The following ST7 variants were observed in gnomAD, a reference collection of about 807,000 sequenced individuals.
ST7 encodes the protein suppressor of tumorigenicity 7 protein.
Under a neutral mutation model 78.7 loss-of-function variants are expected in ST7, and 28 were observed. The observed-to-expected ratio is 0.36, with a 90% CI of 0.26 to 0.49. ST7 has a LOEUF of 0.49. Ranked by LOEUF, ST7 falls within the 20% of genes least tolerant of loss-of-function variation. The probability of loss-of-function intolerance (pLI) is 0.99; values close to 1 mark genes in which losing one functional copy is unlikely to be tolerated. For missense variants in ST7, 418 were observed against 696.0 expected (o/e 0.60, Z 4.49); for synonymous variants, 247 against 249.6 (o/e 0.99, Z 0.10).
chr7:117,135,899 T>C (rs558722425), intron 7 of ST7, among the ~76,000 whole-genome samples, 182 bp from the exon 8 acceptor site: 51 of 152,268 alleles, frequency 3.3e-4, no homozygotes, highest in African/African-American at 1.2e-3. Context: ...CCTCTCAAGC[T>C]AAAATACAGA....
chr7:117,103,858 A>G (rs1034818194), intron 2 of ST7, among the ~76,000 whole-genome samples: 24 of 152,364 alleles, frequency 1.6e-4, no homozygotes, highest in Admixed American at 5.2e-4. Flanking sequence ...AGAGATTAAT[A>G]ACCAGAATAT....
At chr7:116,982,196 G>T (rs1421613221) in intron 1 of ST7, among the ~76,000 whole-genome samples, 7 of 152,038 alleles carry the variant, frequency 4.6e-5, no homozygotes, top group Non-Finnish European at 1.0e-4. Flanking sequence ...TGCTGCTGCT[G>T]CTTCTTCTTT....
intron 1 of ST7, among the ~76,000 whole-genome samples, chr7:117,082,240 C>T (rs991115072): frequency 6.6e-6 from 1 of 152,138 alleles, no homozygotes; most frequent in Non-Finnish European, 1.5e-5. Flanking sequence ...AGTTGACACA[C>T]AAAATCTCAC....
At chr7:117,063,406 T>G (rs1023096116) in intron 1 of ST7, among the ~76,000 whole-genome samples, 1 of 152,230 alleles carries the variant, frequency 6.6e-6, no homozygotes, top group East Asian at 1.9e-4. Flanking sequence ...TTTGCATTTA[T>G]GTTTGTATAA....
chr7:117,093,264 T>G (rs1293976887), intron 1 of ST7, among the ~76,000 whole-genome samples: 1 of 152,234 alleles, frequency 6.6e-6, no homozygotes, highest in African/African-American at 2.4e-5. Context: ...GTGGATGTTT[T>G]ACATCCTGGG....
chr7:117,063,771 G>T (rs974406328), intron 1 of ST7, among the ~76,000 whole-genome samples: 2 of 152,130 alleles, frequency 1.3e-5, no homozygotes, highest in Non-Finnish European at 1.5e-5. Flanking sequence ...TCTTCCTATA[G>T]AAGCATAGTT....
intron 1 of ST7, among the ~76,000 whole-genome samples, chr7:117,043,981 T>G (rs1004276191): frequency 2.0e-5 from 3 of 152,214 alleles, no homozygotes; most frequent in African/African-American, 7.2e-5. Context: ...GAGGACATAC[T>G]CTTATCAGGG....
At chr7:117,152,689 C>A (rs1445678353) in intron 9 of ST7, among the ~76,000 whole-genome samples, 2 of 152,068 alleles carry the variant, frequency 1.3e-5, no homozygotes, top group Non-Finnish European at 2.9e-5. Context: ...TGCCTGAGTC[C>A]TTTTACTGCT....
intron 12 of ST7, chr7:117,198,421 T>C (rs937792699): frequency 2.5e-6 from 1 of 401,692 alleles, no homozygotes; most frequent in Non-Finnish European, 5.0e-6. Flanking sequence ...CAGTGGCACC[T>C]CAATGCCTTG....
At chr7:117,174,585 T>G (rs897035070) in intron 10 of ST7, among the ~76,000 whole-genome samples, 3 of 152,050 alleles carry the variant, frequency 2.0e-5, no homozygotes, top group Non-Finnish European at 4.4e-5. Flanking sequence ...ACGGAGGTGG[T>G]CTCACTCCAG....
intron 13 of ST7, chr7:117,218,880 G>T: frequency 1.9e-6 from 1 of 533,700 alleles, no homozygotes; most frequent in Non-Finnish European, 3.3e-6. Context: ...GGTTTGCTCA[G>T]AATATATAGT....
intron 1 of ST7, among the ~76,000 whole-genome samples, chr7:116,971,965 G>T (rs1257733273): frequency 1.3e-5 from 2 of 152,186 alleles, no homozygotes; most frequent in Non-Finnish European, 2.9e-5. Context: ...AAGGTGCTCA[G>T]CCTCTAGCCC....
intron 1 of ST7, chr7:117,014,750 C>T (rs556152999): frequency 3.1e-6 from 1 of 320,384 alleles, no homozygotes; most frequent in Non-Finnish European, 5.6e-6. Context: ...ATAATTAATA[C>T]AGGAGGGAAA....
Position 117,217,288 on chromosome 7 carries a change from GA to G in ST7, c.1406-1785del, listed in dbSNP as rs769471735. 9.0e-3 allele frequency among the ~76,000 whole-genome samples: 1,134 copies of G among 126,530 alleles called. 8 individuals are homozygous for G. The highest frequency in any genetic ancestry group is 0.012 in the Non-Finnish European group (708 of 58,486). 83.0% of individuals were successfully genotyped at this position (126,530 alleles called of 152,430 possible). On this transcript the variant is annotated intron_variant, in intron 13 of 15. Coordinates refer to ENST00000323984, the MANE Select transcript of ST7 (RefSeq NM_001369598.1). ...TTGCACATGGAGAATCTGGATTTGG[GA>G]AAAAAAAAAACAAAAAAAAAAACTT...
intron 4 of ST7, among the ~76,000 whole-genome samples, chr7:117,130,192 A>G (rs910660530): frequency 1.3e-5 from 2 of 151,874 alleles, no homozygotes; most frequent in African/African-American, 4.8e-5. Context: ...AATTAGGCAA[A>G]TTAGAATTTT....
intron 1 of ST7, among the ~76,000 whole-genome samples, chr7:117,065,370 G>A (rs1312143691): frequency 6.6e-6 from 1 of 151,926 alleles, no homozygotes; most frequent in African/African-American, 2.4e-5. Flanking sequence ...CACCATGCCC[G>A]GCTAATTTTT....
chr7:116,963,283 G>A (rs1344282248), intron 1 of ST7, among the ~76,000 whole-genome samples: 5 of 152,138 alleles, frequency 3.3e-5, no homozygotes, highest in Non-Finnish European at 1.5e-5. Flanking sequence ...ATCTGTAAAG[G>A]GCTTTGGATT....
Position 117,153,517 on chromosome 7 carries a change from G to T in ST7, c.963+14985G>T, listed in dbSNP as rs962643044. ...ATACTTAAAAGAAGTGGCCAGAGAA[G>T]TAGGAAAAAAGTTTAGGACACTGTT... On this transcript the variant is annotated intron_variant, in intron 9 of 15. Coordinates refer to ENST00000323984, the MANE Select transcript of ST7 (RefSeq NM_001369598.1). Among the ~76,000 whole-genome samples the T allele has an allele frequency of 6.6e-5, 10 of 152,254 alleles. No individual in the cohort carries two copies. The East Asian group carries it at 1.7e-3, about 27-fold the overall frequency.
intron 1 of ST7, among the ~76,000 whole-genome samples, chr7:116,993,841 G>A (rs1024814344): frequency 6.6e-6 from 1 of 152,208 alleles, no homozygotes; most frequent in Non-Finnish European, 1.5e-5. Flanking sequence ...AGGCAGAAAT[G>A]TGGCTAAGGA....
Sources: allele counts gnomAD v4.1 joint callset (sites outside exome capture counted in the v4.1 genomes callset), GRCh38; gene constraint gnomAD v4.1.1; transcripts MANE v1.5; gene names NCBI Gene and HGNC (gene_info 2026-07-23, HGNC 2026-07-21).